Variants in PELI2 observed in about 807,000 individuals in gnomAD.
PELI2 encodes the protein E3 ubiquitin-protein ligase pellino homolog 2.
In PELI2, 23 loss-of-function variants were observed where a neutral mutation model predicts 42.3. The ratio of observed to expected loss-of-function variants is 0.54; its 90% confidence interval spans 0.39 to 0.77. The LOEUF (loss-of-function observed/expected upper bound fraction) is 0.77. Ranked by LOEUF, PELI2 falls within the 30% of genes least tolerant of loss-of-function variation. The pLI, the probability that PELI2 is intolerant of heterozygous loss-of-function variation, is 0.00. For synonymous variants in PELI2, 245 were observed against 212.2 expected (o/e 1.15, Z -1.34); for missense variants, 463 against 553.2 (o/e 0.84, Z 1.64).
At chr14:56,220,975 A>G (rs1317119163) in intron 2 of PELI2, among the ~76,000 whole-genome samples, 1 of 152,206 alleles carries the variant, frequency 6.6e-6, no homozygotes, top group Non-Finnish European at 1.5e-5. Context: ...GAGGAGGCAC[A>G]TAGCCCTCGT....
chr14:56,289,697 A>G (rs1889764143), intron 4 of PELI2, among the ~76,000 whole-genome samples: 1 of 151,480 alleles, frequency 6.6e-6, no homozygotes, highest in Admixed American at 6.6e-5. Context: ...ACAAGCACCC[A>G]AGAGTGTCTG....
chr14:56,292,383 G>A (rs959307177), intron 5 of PELI2, among the ~76,000 whole-genome samples: 2 of 152,152 alleles, frequency 1.3e-5, no homozygotes, highest in Admixed American at 1.3e-4. Context: ...GTCTGTCTTC[G>A]AGGAAAGCTT....
chr14:56,160,084 G>T (rs1049655316), intron 1 of PELI2, among the ~76,000 whole-genome samples: 29 of 151,846 alleles, frequency 1.9e-4, no homozygotes, highest in Non-Finnish European at 4.0e-4. Context: ...GGAGGAAGAA[G>T]TAGGGAAATT....
At chr14:56,253,227 A>C (rs1042023450) in intron 2 of PELI2, among the ~76,000 whole-genome samples, 1 of 152,320 alleles carries the variant, frequency 6.6e-6, no homozygotes, top group South Asian at 2.1e-4. Flanking sequence ...GTTTATGACA[A>C]ACCCACAGCC....
At chr14:56,258,608 C>A (rs1210095929) in intron 2 of PELI2, among the ~76,000 whole-genome samples, 1 of 150,206 alleles carries the variant, frequency 6.7e-6, no homozygotes, top group African/African-American at 2.5e-5. Flanking sequence ...ATTGAGGTAG[C>A]AGTACATTAG....
intron 2 of PELI2, among the ~76,000 whole-genome samples, chr14:56,186,824 G>C (rs541189258): frequency 6.6e-6 from 1 of 152,090 alleles, no homozygotes; most frequent in Non-Finnish European, 1.5e-5. Flanking sequence ...TGTCCTTAAA[G>C]CATAATTTTA....
intron 1 of PELI2, among the ~76,000 whole-genome samples, chr14:56,160,471 C>T (rs1884721396): frequency 6.6e-6 from 1 of 152,046 alleles, no homozygotes; most frequent in Non-Finnish European, 1.5e-5. Context: ...ACAGGAAGAA[C>T]AGGTTAAAAC....
At chr14:56,221,406 G>C (rs556309447) in intron 2 of PELI2, among the ~76,000 whole-genome samples, 47 of 152,272 alleles carry the variant, frequency 3.1e-4, no homozygotes, top group African/African-American at 1.1e-3. Flanking sequence ...AAAAATCTAG[G>C]AATAGGCACA....
chr14:56,258,837 G>A (rs1466957674), intron 2 of PELI2, among the ~76,000 whole-genome samples: 1 of 152,150 alleles, frequency 6.6e-6, no homozygotes, highest in East Asian at 1.9e-4. Flanking sequence ...TGATGAAAAT[G>A]ATAAAAGTCT....
At chr14:56,249,195 G>A (rs918245054) in intron 2 of PELI2, among the ~76,000 whole-genome samples, 7 of 152,092 alleles carry the variant, frequency 4.6e-5, no homozygotes, top group African/African-American at 1.7e-4. Flanking sequence ...AGGAATTAAC[G>A]TCCACTAAAA....
rs1212121686 is a variant in PELI2, at chr14:56,146,494, A to G, written c.77+27757A>G. On this transcript the variant is annotated intron_variant, in intron 1 of 5. Coordinates refer to ENST00000267460, the MANE Select transcript of PELI2 (RefSeq NM_021255.3). ...GCTCATTACTGTACTGGAAGTTCGT[A>G]TAAGATACAGTCTGATGGTAGGAGA... is the stretch of plus-strand genomic sequence containing the variant. Among the ~76,000 whole-genome samples the G allele has an allele frequency of 2.6e-5, 4 of 152,178 alleles. No homozygotes were observed. The East Asian group carries it at 7.7e-4, about 29-fold the overall frequency.
chr14:56,206,883 A>G (rs777941727), intron 2 of PELI2, among the ~76,000 whole-genome samples: 2 of 152,168 alleles, frequency 1.3e-5, no homozygotes, highest in Non-Finnish European at 2.9e-5. Flanking sequence ...TATTATCCTC[A>G]GAGGGATTTG....
intron 2 of PELI2, among the ~76,000 whole-genome samples, chr14:56,212,985 C>T (rs571488582): frequency 7.9e-5 from 12 of 152,338 alleles, no homozygotes; most frequent in South Asian, 4.1e-4. Flanking sequence ...ACGTGCAGTT[C>T]GTGTGCCCTT....
chr14:56,163,013 T>G (rs1884823340), intron 1 of PELI2, among the ~76,000 whole-genome samples: 1 of 152,202 alleles, frequency 6.6e-6, no homozygotes, highest in African/African-American at 2.4e-5. Context: ...AAGAATAGTT[T>G]TAAAATATTT....
chr14:56,157,381 T>C (rs182072646), intron 1 of PELI2, among the ~76,000 whole-genome samples: 2 of 152,354 alleles, frequency 1.3e-5, no homozygotes, highest in Non-Finnish European at 2.9e-5. Context: ...ATTAGTTATA[T>C]GTAGATATTC....
intron 2 of PELI2, among the ~76,000 whole-genome samples, chr14:56,217,737 A>T (rs1165561788): frequency 6.6e-6 from 1 of 152,234 alleles, no homozygotes; most frequent in Non-Finnish European, 1.5e-5. Context: ...TTGGGATTTT[A>T]AAATTTTGAC....
At chr14:56,138,463 T>C (rs575803658) in intron 1 of PELI2, among the ~76,000 whole-genome samples, 224 of 116,712 alleles carry the variant, frequency 1.9e-3, no homozygotes, top group African/African-American at 7.0e-3. Context: ...TCTGTGGTTC[T>C]TTTTTTTTTT....
At chr14:56,225,535 C>T (rs890828055) in intron 2 of PELI2, among the ~76,000 whole-genome samples, 1 of 152,180 alleles carries the variant, frequency 6.6e-6, no homozygotes, top group African/African-American at 2.4e-5. Context: ...AGCACATTTT[C>T]AAGTGAGGTC....
chr14:56,119,728 T>G lies in PELI2; in HGVS notation c.77+991T>G, dbSNP rs529364627. The G allele has an allele frequency of 3.2e-5, 31 of 962,264 alleles. No homozygotes were observed. The African/African-American group carries it at 5.1e-4, about 16-fold the overall frequency. 59.6% of individuals were successfully genotyped at this position (962,264 alleles called of 1,614,324 possible). ...GGGGGAAGGGGGAAGTGCAGGAAAC[T>G]GGGGGGAAGGAACAACTTGGGTTTA... On this transcript the variant is annotated intron_variant, in intron 1 of 5. Coordinates refer to ENST00000267460, the MANE Select transcript of PELI2 (RefSeq NM_021255.3).
Sources: gnomAD v4.1 joint callset for allele counts (sites outside exome capture counted in the v4.1 genomes callset) on GRCh38, gnomAD v4.1.1 for gene constraint, MANE v1.5 for transcripts, NCBI Gene and HGNC (gene_info 2026-07-23, HGNC 2026-07-21) for gene names.